The following SUSD4 variants were observed in gnomAD, a reference collection of about 807,000 sequenced individuals.
SUSD4 encodes sushi domain containing 4, also known as sushi domain-containing protein 4.
In SUSD4, 41 loss-of-function variants were observed where a neutral mutation model predicts 50.5. The observed-to-expected ratio is 0.81, with a 90% confidence interval of 0.63 to 1.05. The LOEUF (loss-of-function observed/expected upper bound fraction) is 1.05, where lower values mean the gene tolerates loss of function less well. Among genes scored for constraint, SUSD4 ranks in the 50% least tolerant of loss-of-function variants. The pLI is 0.00. For missense variants in SUSD4, 580 were observed against 634.7 expected, an observed-to-expected ratio of 0.91 and a Z score of 0.93; for synonymous variants, 257 against 257.3, an observed-to-expected ratio of 1.00 and a Z score of 0.01.
rs1659624600 is a variant in SUSD4, at chr1:223,227,872, G to T, written c.917-134C>A. 8.7e-7 allele frequency: 1 copy of T among 1,152,768 alleles called. No homozygotes were observed. Among genetic ancestry groups the T allele is most frequent in the Non-Finnish European group, 1.2e-6 (1 of 827,848 alleles). 71.4% of individuals were successfully genotyped at this position (1,152,768 alleles called of 1,614,324 possible). A position where few individuals can be genotyped will look rare whatever the true frequency, so the allele number is the denominator to read the frequency against. ...AGGTGCCTCTGACCCCCAGGGCTCG[G>T]CAGAGATACCATGTGCCCCTGTAGC... On this transcript the variant is annotated intron_variant, in intron 6 of 8. Coordinates refer to ENST00000366878, the MANE Select transcript of SUSD4 (RefSeq NM_017982.4). This position sits in a 1 kb window ranked among gnomAD's most constrained non-coding sequence, Gnocchi z 4.5.
chr1:223,321,459 C>T (rs1666568523), intron 2 of SUSD4, among the ~76,000 whole-genome samples: 1 of 152,236 alleles, frequency 6.6e-6, no homozygotes. Context: ...AGAACTCTGC[C>T]TGGTCCATGG....
At position 223,332,950 on chromosome 1, in the gene SUSD4, G is replaced by T. The variant is rs1429073805; in HGVS notation, c.148+30328C>A. Among the ~76,000 whole-genome samples, 1 of 152,116 alleles carries T rather than the reference G, an allele frequency of 6.6e-6. No individual in the cohort carries two copies. The highest frequency in any genetic ancestry group is 2.4e-5 in the African/African-American group (1 of 41,426). The stretch of plus-strand genomic sequence containing the variant: ...CCTGCTCCTGATACTCTGCGTGGAA[G>T]CTGCCGCAACTGCACACCACACCCT... On this transcript the variant is annotated intron_variant, in intron 2 of 8. Transcript: ENST00000366878. The surrounding 1 kb of genome is among the most constrained non-coding windows in gnomAD (Gnocchi z 4.0).
rs747733688 is a variant in SUSD4, at chr1:223,292,585, C to T, written c.215G>A (p.Gly72Glu). ...IPENGFRTPSGGVFFEGSVAR... is the reference protein window; with the variant it reads ...IPENGFRTPSEGVFFEGSVAR... ...TACAGAGCCTTCAAAGAAAACCCCT[C>T]CGCTGGGGGTCCTGAAGCCATTCTC... The change falls in exon 3 of 9, where the codon GGA becomes GAA. Residue 72 changes from glycine to glutamate, a missense_variant. By Grantham distance (98) the Gly-to-Glu change is moderately conservative. Transcript: ENST00000366878. The T allele has an allele frequency of 1.9e-6, 3 of 1,614,032 alleles. No homozygotes were observed. The African/African-American group carries it at 4.0e-5, about 22-fold the overall frequency.
At chr1:223,235,031 TAAAGCACAG>T in intron 5 of SUSD4, 1 of 1,610,552 alleles carries the variant, frequency 6.2e-7, no homozygotes, top group Non-Finnish European at 8.5e-7. Context: ...AGGGCAAAAA[TAAAGCACAG>T]CAGCTGCCAA....
intron 5 of SUSD4, among the ~76,000 whole-genome samples, chr1:223,256,221 G>A (rs1352843904): frequency 6.6e-6 from 1 of 152,146 alleles, no homozygotes; most frequent in African/African-American, 2.4e-5. Context: ...GTCATCAATG[G>A]GTGGCTGTGC....
chr1:223,320,910 G>A (rs1666534998), intron 2 of SUSD4, among the ~76,000 whole-genome samples: 2 of 152,272 alleles, frequency 1.3e-5, no homozygotes, highest in African/African-American at 4.8e-5. Flanking sequence ...GTGTGAAGTG[G>A]TATTTCCTTT....
intron 2 of SUSD4, among the ~76,000 whole-genome samples, chr1:223,344,337 C>T (rs891654464): frequency 3.3e-5 from 5 of 151,944 alleles, no homozygotes; most frequent in Non-Finnish European, 7.4e-5. Flanking sequence ...GAAATGGCAC[C>T]CAGCCTCTCA....
At chr1:223,317,278 T>A (rs987937580) in intron 2 of SUSD4, among the ~76,000 whole-genome samples, 14 of 152,172 alleles carry the variant, frequency 9.2e-5, no homozygotes, top group Non-Finnish European at 1.8e-4. Context: ...AGTTTACAAA[T>A]GCCATGGCAA....
At chr1:223,351,643 G>A (rs796583061) in intron 2 of SUSD4, among the ~76,000 whole-genome samples, 2 of 152,232 alleles carry the variant, frequency 1.3e-5, no homozygotes, top group African/African-American at 2.4e-5. Flanking sequence ...GGAGGAGAGG[G>A]CACAGAGGCT....
intron 5 of SUSD4, among the ~76,000 whole-genome samples, chr1:223,252,826 G>T (rs138412466): frequency 6.6e-6 from 1 of 152,048 alleles, no homozygotes; most frequent in Non-Finnish European, 1.5e-5. Context: ...TAGGGGCCGG[G>T]CGCAGAGGCT....
At chr1:223,273,795 G>A (rs1663078899) in intron 3 of SUSD4, among the ~76,000 whole-genome samples, 2 of 152,186 alleles carry the variant, frequency 1.3e-5, no homozygotes, top group African/African-American at 4.8e-5. Context: ...GAAAAAAGAG[G>A]TGTTGTCCAT....
chr1:223,286,883 G>C (rs889482750), intron 3 of SUSD4, among the ~76,000 whole-genome samples: 1 of 152,134 alleles, frequency 6.6e-6, no homozygotes. Flanking sequence ...TCTTTGTGTT[G>C]TTAGGTGAAT....
chr1:223,363,000 T>C lies in SUSD4; in HGVS notation c.148+278A>G, dbSNP rs376390273. The stretch of plus-strand genomic sequence containing the variant: ...AGTGGGAATAATGGGCCAGGCTTTA[T>C]TGTCTTTCCTTGGGAGAAGCCAGGC... On this transcript the variant is annotated intron_variant, in intron 2 of 8. Transcript: ENST00000366878. Among the ~76,000 whole-genome samples, 9 of 136,242 alleles carry C rather than the reference T, an allele frequency of 6.6e-5. No individual in the cohort carries two copies. In the East Asian group the frequency reaches 2.1e-3, roughly 31 times the overall value. 89.4% of individuals were successfully genotyped at this position (136,242 alleles called of 152,430 possible). A position where few individuals can be genotyped will look rare whatever the true frequency, so the allele number is the denominator to read the frequency against.
chr1:223,252,971 G>C (rs1056560980), intron 5 of SUSD4, among the ~76,000 whole-genome samples: 6 of 152,138 alleles, frequency 3.9e-5, no homozygotes, highest in African/African-American at 1.4e-4. Context: ...GCAGCCTGTA[G>C]TACCAGCTAG....
chr1:223,224,526 G>GCACTATGT (rs2102989815), intron 7 of SUSD4, among the ~76,000 whole-genome samples: 1 of 152,268 alleles, frequency 6.6e-6, no homozygotes, highest in Admixed American at 6.5e-5. Flanking sequence ...AAAGCTGTGA[G>GCACTATGT]CACTATGTCA....
chr1:223,329,154 G>C (rs1233909597), intron 2 of SUSD4, among the ~76,000 whole-genome samples: 1 of 152,060 alleles, frequency 6.6e-6, no homozygotes, highest in African/African-American at 2.4e-5. Context: ...TTAATTCACA[G>C]CTTTATCAAC....
rs551064685 is a variant in SUSD4 at position 223,233,319 on chromosome 1, G to A, written c.725-3931C>T. Among the ~76,000 whole-genome samples, 69 of 152,334 alleles carry A rather than the reference G, an allele frequency of 4.5e-4. No individual in the cohort carries two copies. In the Middle Eastern group the frequency reaches 0.01, roughly 23 times the overall value. ...TAAAGGAAACCCCATGTGGTGTGGT[G>A]AGGGTAGGGGGTGGGAGCGTTTCTT... On this transcript the variant is annotated intron_variant, in intron 5 of 8. Coordinates refer to ENST00000366878, the MANE Select transcript of SUSD4 (RefSeq NM_017982.4).
intron 5 of SUSD4, among the ~76,000 whole-genome samples, chr1:223,241,817 A>G (rs1660603333): frequency 6.6e-6 from 1 of 152,216 alleles, no homozygotes; most frequent in South Asian, 2.1e-4. Context: ...TCGAGAAGTG[A>G]CTGCCATCCA....
intron 5 of SUSD4, among the ~76,000 whole-genome samples, chr1:223,238,092 G>A (rs1466378775): frequency 6.6e-6 from 1 of 151,908 alleles, no homozygotes; most frequent in Non-Finnish European, 1.5e-5. Flanking sequence ...GTCTTTCAAG[G>A]ACTTGCTCCA....
Sources: gnomAD v4.1 joint callset for allele counts (sites outside exome capture counted in the v4.1 genomes callset) on GRCh38, gnomAD v4.1.1 for gene constraint, Gnocchi (gnomAD v3.1) non-coding constraint, MANE v1.5 for transcripts, NCBI Gene and HGNC (gene_info 2026-07-23, HGNC 2026-07-21) for gene names.